The following IL20 variants were observed in gnomAD, a reference collection of about 807,000 sequenced individuals.
IL20 encodes the protein interleukin-20.
In IL20, 22 loss-of-function variants were observed where a neutral mutation model predicts 19.2. The ratio of observed to expected loss-of-function variants is 1.15; its 90% CI spans 0.82 to 1.64. The LOEUF is 1.64. Ranked by LOEUF, IL20 falls within the 40% of genes most tolerant of loss-of-function variation. The pLI, the probability that IL20 is intolerant of heterozygous loss-of-function variation, is 0.00. For missense variants in IL20, 215 were observed against 212.8 expected, an observed-to-expected ratio of 1.01 and a Z score of -0.06; for synonymous variants, 70 against 76.2, an observed-to-expected ratio of 0.92 and a Z score of 0.43.
chr1:206,865,769 A>G lies in IL20; in HGVS notation c.-30-54A>G. The G allele has an allele frequency of 2.7e-6, 4 of 1,489,588 alleles. No individual in the cohort carries two copies. The highest frequency in any genetic ancestry group is 2.4e-5 in the East Asian group (1 of 42,190). The allele number at this position is 1,489,588 out of a possible 1,614,324, so 92.3% of individuals were successfully genotyped here. A position where few individuals can be genotyped will look rare whatever the true frequency, so the allele number is the denominator to read the frequency against. On this transcript the variant is annotated intron_variant, in intron 1 of 5. Transcript: ENST00000367098. The surrounding 1 kb of genome is among the most constrained non-coding windows in gnomAD (Gnocchi z 4.1). ...TGACCCCCCACCCCTCACCCCGTGG[A>G]CACTTGGAGGAGGGGAAACTCAGTA... is the stretch of plus-strand genomic sequence containing the variant.
chr1:206,866,423 A>G, intron 3 of IL20, 59 bp downstream of exon 3: 1 of 1,612,884 alleles, frequency 6.2e-7, no homozygotes, highest in Non-Finnish European at 8.5e-7. Context: ...CATCTCCATC[A>G]CCCTGGTCTT....
rs1296112884 is a variant in IL20 at position 206,868,943 on chromosome 1, A to AG, written c.*379_*380insG. ...GATGTATTTTTATACAGTAAAAAAA[A>AG]AAAACCTTGTAAATTCTAGAAGAGT... On this transcript the variant is annotated 3_prime_UTR_variant, in exon 6 of 6. Coordinates refer to ENST00000367098, the MANE Select transcript of IL20 (RefSeq NM_018724.4). 1 of 152,438 alleles carries AG rather than the reference A, an allele frequency of 6.6e-6. No individual in the cohort carries two copies. Among genetic ancestry groups the AG allele is most frequent in the African/African-American group, 2.4e-5 (1 of 41,406 alleles). 9.4% of individuals were successfully genotyped at this position (152,438 alleles called of 1,614,324 possible). A position where few individuals can be genotyped will look rare whatever the true frequency, so the allele number is the denominator to read the frequency against.
upstream of IL20, among the ~76,000 whole-genome samples, chr1:206,864,322 A>G (rs1381874597): frequency 1.3e-5 from 2 of 152,272 alleles, no homozygotes; most frequent in East Asian, 1.9e-4. Context: ...ATTGCCTGGC[A>G]TATAGGAAAA....
In IL20 at chr1:206,868,721, T is replaced by TAAAGACAATCATGCAAG; in HGVS notation, c.*157_*158insAAAGACAATCATGCAAG. ...TTTATGCATTACTTGCTTCCTTGCA[T>TAAAGACAATCATGCAAG]GATTGTCTTTATGCATCCCCAATCT... On this transcript the variant is annotated 3_prime_UTR_variant, in exon 6 of 6. Transcript: ENST00000367098. 2.4e-6 allele frequency: 1 copy of TAAAGACAATCATGCAAG among 409,570 alleles called. No individual in the cohort carries two copies. The highest frequency in any genetic ancestry group is 4.2e-6 in the Non-Finnish European group (1 of 235,710). The allele number at this position is 409,570 out of a possible 1,614,324, so 25.4% of individuals were successfully genotyped here.
intron 4 of IL20, 35 bp downstream of exon 4, chr1:206,866,671 A>G: frequency 6.2e-7 from 1 of 1,600,060 alleles, no homozygotes; most frequent in Non-Finnish European, 8.6e-7. Context: ...GATGCATCTC[A>G]GCACACAGCT....
chr1:206,867,599 T>C, intron 5 of IL20, 141 bp downstream of exon 5: 1 of 707,032 alleles, frequency 1.4e-6, no homozygotes, highest in Non-Finnish European at 2.5e-6. Context: ...CAGCCCTTGC[T>C]TTAACCCAGG....
rs1345770329 is a variant in IL20 at position 206,867,423 on chromosome 1, A to G, written c.418A>G (p.Lys140Glu). 6.2e-6 allele frequency: 10 copies of G among 1,613,944 alleles called. No individual in the cohort carries two copies. Among genetic ancestry groups the G allele is most frequent in the Non-Finnish European group, 5.9e-6 (7 of 1,179,862 alleles). The stretch of plus-strand genomic sequence containing the variant: ...ATGCCATTGTGGGGAGGAAGCAATG[A>G]AGAAATACAGCCAGATTCTGAGTCA... ...MTCHCGEEAM[K>E]KYSQILSHFE... is the part of the protein sequence containing the mutation. Residue 140 changes from lysine (K) to glutamate (E), a missense_variant, in exon 5 of 6, where the codon AAG becomes GAG. Lys to Glu is a moderately conservative substitution (Grantham distance 56). Coordinates refer to ENST00000367098, the MANE Select transcript of IL20 (RefSeq NM_018724.4).
intron 5 of IL20, 135 bp downstream of exon 5, chr1:206,867,593 C>A (rs3024519): frequency 0.012 from 8,556 of 738,390 alleles, 134 homozygotes; most frequent in African/African-American, 0.052. Context: ...GAGGACCAGC[C>A]CTTGCTTTAA....
chr1:206,866,877 T>C (rs3024527), intron 4 of IL20, among the ~76,000 whole-genome samples: 178 of 152,328 alleles, frequency 1.2e-3, no homozygotes, highest in Non-Finnish European at 2.2e-3. Flanking sequence ...AACTATTTGA[T>C]ATTAATGATA....
upstream of IL20, among the ~76,000 whole-genome samples, chr1:206,863,633 A>G (rs991013229): frequency 6.6e-6 from 1 of 152,282 alleles, no homozygotes; most frequent in Middle Eastern, 3.4e-3. Context: ...CTCTACTGAC[A>G]CTGCTCACGT....
upstream of IL20, chr1:206,865,437 T>C: frequency 1.1e-6 from 1 of 950,094 alleles, no homozygotes; most frequent in Non-Finnish European, 1.3e-6. This position sits in a 1 kb window ranked among gnomAD's most constrained non-coding sequence, Gnocchi z 4.1. Context: ...GTGAGCTACG[T>C]TGGCTTTCTG....
intron 5 of IL20, among the ~76,000 whole-genome samples, chr1:206,867,980 A>C (rs919965106): frequency 6.6e-6 from 1 of 152,070 alleles, no homozygotes; most frequent in Admixed American, 6.5e-5. Context: ...TCTTGTAGGA[A>C]TTTCATCCCT....
At position 206,868,470 on chromosome 1, in the gene IL20, G is replaced by A. The variant is rs1677624208; in HGVS notation, c.454-17G>A. 6 of 1,577,188 alleles carry A rather than the reference G, an allele frequency of 3.8e-6. No homozygotes were observed. The highest frequency in any genetic ancestry group is 5.2e-6 in the Non-Finnish European group (6 of 1,160,196). On this transcript the variant is annotated splice_polypyrimidine_tract_variant and intron_variant, in intron 5 of 5. Transcript: ENST00000367098. ...GTCTCATGAATTGCTAACCACATGGGTGTGTGTCTCTTTCAGCTGGAACCT... is the reference window on the plus strand; with the variant it reads ...GTCTCATGAATTGCTAACCACATGGATGTGTGTCTCTTTCAGCTGGAACCT...
intron 4 of IL20, 89 bp downstream of exon 4, chr1:206,866,725 T>G: frequency 1.6e-6 from 2 of 1,275,214 alleles, no homozygotes; most frequent in Non-Finnish European, 2.2e-6. Flanking sequence ...CTCCATTTAA[T>G]GGATGGAGAA....
At position 206,868,583 on chromosome 1, in the gene IL20, G is replaced by C; in HGVS notation, c.*19G>C. The C allele has an allele frequency of 6.3e-7, 1 of 1,576,082 alleles. No individual in the cohort carries two copies. The highest frequency in any genetic ancestry group is 8.6e-7 in the Non-Finnish European group (1 of 1,159,192). On this transcript the variant is annotated 3_prime_UTR_variant, in exon 6 of 6. Transcript: ENST00000367098. ...AGAATAGGAGGAAAGTGATGCTGCT[G>C]CTAAGAATATTCGAGGTCAAGAGCT... is the stretch of plus-strand genomic sequence containing the variant.
rs1436681630 is a variant in IL20 at position 206,866,565 on chromosome 1, C to T, written c.307C>T (p.His103Tyr). ...ATTTAAAAACTACCAGACCCCTGAC[C>T]ATTATACTCTCCGGAAGATCAGCAG... ...RVFKNYQTPD[H>Y]YTLRKISSLA... The change falls in exon 4 of 6, where the codon CAT becomes TAT. Residue 103 changes from histidine (H) to tyrosine (Y), a missense_variant. Transcript: ENST00000367098. 1 of 1,613,934 alleles carries T rather than the reference C, an allele frequency of 6.2e-7. No individual in the cohort carries two copies. Among genetic ancestry groups the T allele is most frequent in the African/African-American group, 1.3e-5 (1 of 74,920 alleles).
chr1:206,866,771 CATGTGA>C, intron 4 of IL20, 135 bp downstream of exon 4: 1 of 896,844 alleles, frequency 1.1e-6, no homozygotes, highest in East Asian at 2.4e-5. Flanking sequence ...TGTGTTGAGA[CATGTGA>C]CTAGGTAATA....
chr1:206,866,370 T>C lies in IL20; in HGVS notation c.225+6T>C. The C allele has an allele frequency of 6.2e-7, 1 of 1,613,988 alleles. No individual in the cohort carries two copies. Among genetic ancestry groups the C allele is most frequent in the Non-Finnish European group, 8.5e-7 (1 of 1,179,866 alleles). ...AGTCTTTGCAAGACACAAAGGTATG[T>C]GCTTGGCCCAGACAAACTCTGGGAG... On this transcript the variant is annotated splice_donor_region_variant and intron_variant, in intron 3 of 5. Transcript: ENST00000367098.
In IL20 at chr1:206,866,286, T is replaced by C; in HGVS notation, c.160-13T>C. 1 of 1,613,918 alleles carries C rather than the reference T, an allele frequency of 6.2e-7. No individual in the cohort carries two copies. The highest frequency in any genetic ancestry group is 8.5e-7 in the Non-Finnish European group (1 of 1,179,788). ...CTGACTCATCCTTGCTTGTTTTGTC[T>C]TCTTCTGTTTAGCAAGCCAAAGATG... is the stretch of plus-strand genomic sequence containing the variant. On this transcript the variant is annotated splice_polypyrimidine_tract_variant and intron_variant, in intron 2 of 5. Coordinates refer to ENST00000367098, the MANE Select transcript of IL20 (RefSeq NM_018724.4).
Sources: gnomAD v4.1 joint callset for allele counts (sites outside exome capture counted in the v4.1 genomes callset) on GRCh38, gnomAD v4.1.1 for gene constraint, Gnocchi (gnomAD v3.1) non-coding constraint, MANE v1.5 for transcripts, NCBI Gene and HGNC (gene_info 2026-07-23, HGNC 2026-07-21) for gene names.